The following TTC28 variants were observed in gnomAD, a reference collection of about 807,000 sequenced individuals.
TTC28 encodes the protein tetratricopeptide repeat domain 28, also known as tetratricopeptide repeat protein 28.
In TTC28, 61 loss-of-function variants were observed where a neutral mutation model predicts 198.0. The ratio of observed to expected loss-of-function variants is 0.31; its 90% CI spans 0.25 to 0.38. The LOEUF is 0.38. Among genes scored for constraint, TTC28 ranks in the 10% least tolerant of loss-of-function variants. The pLI is 1.00. For synonymous variants in TTC28, 1,171 were observed against 1,297.8 expected (o/e 0.90, Z 2.10); for missense variants, 2,678 against 3,164.0 (o/e 0.85, Z 3.69).
intron 2 of TTC28, among the ~76,000 whole-genome samples, chr22:28,334,916 T>C (rs549532323): frequency 1.3e-5 from 2 of 152,318 alleles, no homozygotes; most frequent in Admixed American, 6.5e-5. Flanking sequence ...GTTTTAGACA[T>C]GAAGTCCTTG....
At chr22:28,659,802 A>AT (rs74654093) in intron 1 of TTC28, among the ~76,000 whole-genome samples, 47 of 146,528 alleles carry the variant, frequency 3.2e-4, no homozygotes, top group Middle Eastern at 3.5e-3. Flanking sequence ...TCTGAAATGC[A>AT]TTTTTTTTTT....
At chr22:28,378,538 C>T (rs999766923) in intron 2 of TTC28, among the ~76,000 whole-genome samples, 2 of 151,672 alleles carry the variant, frequency 1.3e-5, no homozygotes, top group African/African-American at 4.8e-5. Context: ...CTCCCAGATA[C>T]TAGGGTGGCT....
At chr22:28,015,230 A>G (rs138676) in intron 13 of TTC28, among the ~76,000 whole-genome samples, 15,806 of 152,146 alleles carry the variant, frequency 0.1, 869 homozygotes, top group Non-Finnish European at 0.11. Context: ...GAGATACAGG[A>G]AGGGGAAATG....
At chr22:28,305,329 A>G (rs893989800) in intron 3 of TTC28, among the ~76,000 whole-genome samples, 12 of 152,112 alleles carry the variant, frequency 7.9e-5, no homozygotes, top group African/African-American at 2.9e-4. Flanking sequence ...AGGAGGTTTC[A>G]GCCTGTGGCA....
At chr22:28,433,374 C>G (rs1013778262) in intron 2 of TTC28, among the ~76,000 whole-genome samples, 1 of 152,086 alleles carries the variant, frequency 6.6e-6, no homozygotes, top group Non-Finnish European at 1.5e-5. Flanking sequence ...CGGCCCTCCC[C>G]CTTAAAGTAC....
intron 1 of TTC28, among the ~76,000 whole-genome samples, chr22:28,635,066 A>G (rs920618286): frequency 3.9e-5 from 6 of 152,212 alleles, no homozygotes; most frequent in African/African-American, 1.4e-4. Flanking sequence ...TCACGCCTGT[A>G]ATCCCAACAC....
At chr22:28,350,939 T>C (rs534834021) in intron 2 of TTC28, among the ~76,000 whole-genome samples, 5 of 152,226 alleles carry the variant, frequency 3.3e-5, no homozygotes, top group African/African-American at 1.2e-4. Context: ...TCCCAGCACT[T>C]TGGGAGGCTG....
chr22:28,090,700 C>T (rs1212819486), intron 12 of TTC28, among the ~76,000 whole-genome samples: 1 of 152,166 alleles, frequency 6.6e-6, no homozygotes, highest in Admixed American at 6.5e-5. Flanking sequence ...TCTCACTGAG[C>T]ATTATGGTTT....
chr22:28,387,817 T>A (rs1263039230), intron 2 of TTC28, among the ~76,000 whole-genome samples: 1 of 152,052 alleles, frequency 6.6e-6, no homozygotes, highest in Non-Finnish European at 1.5e-5. Context: ...TGATGGTAGT[T>A]TCTTTTGCTG....
chr22:28,574,318 T>C (rs1458370720), intron 2 of TTC28, among the ~76,000 whole-genome samples: 1 of 152,150 alleles, frequency 6.6e-6, no homozygotes, highest in Non-Finnish European at 1.5e-5. Flanking sequence ...AGCCAGGATC[T>C]CATTCTTTTT....
intron 2 of TTC28, among the ~76,000 whole-genome samples, chr22:28,604,870 T>C (rs932473398): frequency 1.3e-5 from 2 of 152,222 alleles, no homozygotes; most frequent in Non-Finnish European, 2.9e-5. Flanking sequence ...AAAGCGCCTA[T>C]CTACATTTTA....
chr22:28,645,544 T>C (rs1181778681), intron 1 of TTC28, among the ~76,000 whole-genome samples: 2 of 151,530 alleles, frequency 1.3e-5, no homozygotes, highest in Admixed American at 1.3e-4. Context: ...GGAGAATTGC[T>C]TGTACCCAGG....
intron 2 of TTC28, among the ~76,000 whole-genome samples, chr22:28,430,035 GA>G (rs2047408569): frequency 8.6e-6 from 1 of 116,748 alleles, no homozygotes; most frequent in East Asian, 2.7e-4. Flanking sequence ...TCTGGAATAT[GA>G]TTTTTTTTTT....
chr22:28,262,437 A>T (rs73882718), intron 5 of TTC28, among the ~76,000 whole-genome samples: 1,666 of 152,270 alleles, frequency 0.011, 26 homozygotes, highest in African/African-American at 0.038. Context: ...CATTAAAGTT[A>T]CATCTTTTAA....
chr22:28,553,860 C>CGTCT (rs2049742530), intron 2 of TTC28, among the ~76,000 whole-genome samples: 1 of 152,252 alleles, frequency 6.6e-6, no homozygotes, highest in African/African-American at 2.4e-5. Flanking sequence ...GCCACCACCC[C>CGTCT]GTCTGGGAGG....
intron 2 of TTC28, among the ~76,000 whole-genome samples, chr22:28,325,559 T>C (rs1329962022): frequency 6.6e-6 from 1 of 152,122 alleles, no homozygotes; most frequent in East Asian, 1.9e-4. Flanking sequence ...GTCAAGCTAC[T>C]TTTCTAGAAG....
At chr22:28,321,967 GAC>G (rs2045452990) in intron 2 of TTC28, among the ~76,000 whole-genome samples, 1 of 152,074 alleles carries the variant, frequency 6.6e-6, no homozygotes, top group African/African-American at 2.4e-5. Context: ...GAGTAGCTGG[GAC>G]TACAGGTGCC....
chr22:28,014,133 G>A, intron 14 of TTC28, 115 bp downstream of exon 14: 1 of 1,291,356 alleles, frequency 7.7e-7, no homozygotes, highest in Non-Finnish European at 1.0e-6. Flanking sequence ...GTTCTGGAAA[G>A]CCTCCGGTTG....
At chr22:28,387,788 G>C (rs1486029923) in intron 2 of TTC28, among the ~76,000 whole-genome samples, 1 of 152,028 alleles carries the variant, frequency 6.6e-6, no homozygotes, top group Non-Finnish European at 1.5e-5. Flanking sequence ...CTCCCATTTT[G>C]TAGGTTGCCT....
Sources: allele counts gnomAD v4.1 joint callset (sites outside exome capture counted in the v4.1 genomes callset), GRCh38; gene constraint gnomAD v4.1.1; transcripts MANE v1.5; gene names NCBI Gene and HGNC (gene_info 2026-07-23, HGNC 2026-07-21).